Variants in PLCL1 observed in about 807,000 individuals in gnomAD.
The protein encoded by PLCL1 is inactive phospholipase C-like protein 1.
In PLCL1, 41 loss-of-function variants were observed where a neutral mutation model predicts 84.4. The ratio of observed to expected loss-of-function variants is 0.49; its 90% CI spans 0.38 to 0.63. PLCL1 has a LOEUF of 0.63. PLCL1 is among the 30% of genes least tolerant of loss of function. The pLI, the probability that PLCL1 is intolerant of heterozygous loss-of-function variation, is 0.00. For missense variants in PLCL1, 1,206 were observed against 1,367.8 expected (o/e 0.88, Z 1.87); for synonymous variants, 490 against 488.3 (o/e 1.00, Z -0.05).
intron 1 of PLCL1, among the ~76,000 whole-genome samples, chr2:198,073,712 A>G (rs1006691150): frequency 6.6e-6 from 1 of 152,222 alleles, no homozygotes; most frequent in Non-Finnish European, 1.5e-5. Flanking sequence ...TTTGTTGCAA[A>G]AGAAAGATTC....
At chr2:198,093,278 T>G (rs1440261354) in intron 3 of PLCL1, among the ~76,000 whole-genome samples, 2 of 152,192 alleles carry the variant, frequency 1.3e-5, no homozygotes, top group Non-Finnish European at 2.9e-5. Context: ...TCAACCCTAA[T>G]GTCAACTATG....
At chr2:198,128,474 C>T (rs1694044108) in intron 5 of PLCL1, among the ~76,000 whole-genome samples, 1 of 151,982 alleles carries the variant, frequency 6.6e-6, no homozygotes, top group Non-Finnish European at 1.5e-5. Flanking sequence ...TTGGCTGGGT[C>T]GGAGATGAAA....
intron 1 of PLCL1, among the ~76,000 whole-genome samples, chr2:197,941,632 T>C (rs563339382): frequency 4.6e-5 from 7 of 152,120 alleles, no homozygotes; most frequent in African/African-American, 7.2e-5. Context: ...GAATGAGAAA[T>C]GAGGTTTTGT....
chr2:198,030,618 GC>G (rs1691387600), intron 1 of PLCL1, among the ~76,000 whole-genome samples: 1 of 152,140 alleles, frequency 6.6e-6, no homozygotes, highest in Non-Finnish European at 1.5e-5. Context: ...CTCACTATGT[GC>G]CTGAAGTGGT....
rs148466408 is a variant in PLCL1 at position 198,017,305 on chromosome 2, C to T, written c.241-66453C>T. ...CTACACAGTCGAGAATTATCTTACACGATTCAGCCTTAGAACTGGGGGCAT... is the reference window on the plus strand; with the variant it reads ...CTACACAGTCGAGAATTATCTTACATGATTCAGCCTTAGAACTGGGGGCAT... On this transcript the variant is annotated intron_variant, in intron 1 of 5. Coordinates refer to ENST00000428675, the MANE Select transcript of PLCL1 (RefSeq NM_006226.4). 3.9e-5 allele frequency among the ~76,000 whole-genome samples: 6 copies of T among 152,308 alleles called. 1 individual carries two copies. The highest frequency in any genetic ancestry group is 5.9e-5 in the Non-Finnish European group (4 of 68,034).
intron 1 of PLCL1, among the ~76,000 whole-genome samples, chr2:198,019,067 C>G (rs1016450739): frequency 6.6e-6 from 1 of 152,224 alleles, no homozygotes; most frequent in Non-Finnish European, 1.5e-5. Context: ...TCTGCAGCCT[C>G]TGCTGGTGAT....
In PLCL1 at chr2:197,945,650, G is replaced by T. The variant is rs558074950; in HGVS notation, c.241-138108G>T. On this transcript the variant is annotated intron_variant, in intron 1 of 5. Transcript: ENST00000428675. Reference sequence around the variant, plus strand: ...GAACTTGAGCAAGTTTCTTCAACTCGTGGTGCCTCAGTAGTCTCATCTTTA... The same window carrying T: ...GAACTTGAGCAAGTTTCTTCAACTCTTGGTGCCTCAGTAGTCTCATCTTTA... Among the ~76,000 whole-genome samples, 4 of 152,244 alleles carry T rather than the reference G, an allele frequency of 2.6e-5. No homozygotes were observed. In the East Asian group the frequency reaches 7.7e-4, roughly 29 times the overall value.
At chr2:197,890,272 T>C (rs964729521) in intron 1 of PLCL1, among the ~76,000 whole-genome samples, 1 of 152,212 alleles carries the variant, frequency 6.6e-6, no homozygotes, top group African/African-American at 2.4e-5. Flanking sequence ...TGAGATAAGA[T>C]ATTTAAGGCT....
intron 1 of PLCL1, among the ~76,000 whole-genome samples, chr2:197,972,505 T>C (rs1689890974): frequency 6.6e-6 from 1 of 152,206 alleles, no homozygotes; most frequent in South Asian, 2.1e-4. Context: ...CTCAAACTCC[T>C]GAGTGTGGGT....
intron 1 of PLCL1, among the ~76,000 whole-genome samples, chr2:198,037,692 G>A (rs896233847): frequency 9.4e-5 from 14 of 149,114 alleles, no homozygotes; most frequent in Middle Eastern, 3.2e-3. Flanking sequence ...TTTCCAAAAC[G>A]GTTTTATTCT....
At chr2:197,986,240 C>T (rs1285610838) in intron 1 of PLCL1, among the ~76,000 whole-genome samples, 1 of 152,158 alleles carries the variant, frequency 6.6e-6, no homozygotes, top group African/African-American at 2.4e-5. Flanking sequence ...ATGCATTTTA[C>T]CTGGTTATTA....
intron 1 of PLCL1, among the ~76,000 whole-genome samples, chr2:198,017,780 A>G (rs1054569974): frequency 1.3e-5 from 2 of 152,266 alleles, no homozygotes; most frequent in Non-Finnish European, 2.9e-5. Context: ...AATATTTTTC[A>G]GCAAGTTTAC....
intron 3 of PLCL1, among the ~76,000 whole-genome samples, chr2:198,089,389 A>G (rs1692964570): frequency 6.6e-6 from 1 of 152,232 alleles, no homozygotes; most frequent in South Asian, 2.1e-4. Flanking sequence ...TTATATACCT[A>G]TGGGAAGTAA....
intron 1 of PLCL1, among the ~76,000 whole-genome samples, chr2:197,983,888 G>T (rs1574983477): frequency 6.6e-6 from 1 of 152,178 alleles, no homozygotes; most frequent in Non-Finnish European, 1.5e-5. Context: ...ATAAAGAGTA[G>T]TATTTCCATA....
At position 197,901,589 on chromosome 2, in the gene PLCL1, G is replaced by A. The variant is rs543721366; in HGVS notation, c.240+96250G>A. 5.9e-5 allele frequency among the ~76,000 whole-genome samples: 9 copies of A among 152,320 alleles called. No individual in the cohort carries two copies. The East Asian group carries it at 7.7e-4, about 13-fold the overall frequency. ...CAGAAGAGACAGAAGGGGAGCCAGC[G>A]TGGAAAGTGTACCTTAAGAAGGAAG... On this transcript the variant is annotated intron_variant, in intron 1 of 5. Transcript: ENST00000428675.
intron 1 of PLCL1, among the ~76,000 whole-genome samples, chr2:197,988,484 A>G (rs564646248): frequency 1.3e-5 from 2 of 152,266 alleles, no homozygotes; most frequent in Admixed American, 6.5e-5. Flanking sequence ...TTGATTTTCC[A>G]TTCCTGAGTT....
chr2:198,109,599 T>A (rs898147738), intron 5 of PLCL1, among the ~76,000 whole-genome samples: 2 of 151,908 alleles, frequency 1.3e-5, no homozygotes, highest in African/African-American at 4.8e-5. Context: ...TCTGAAGATC[T>A]CTTGGGAGCA....
intron 1 of PLCL1, among the ~76,000 whole-genome samples, chr2:198,038,864 A>C (rs1691600973): frequency 6.6e-6 from 1 of 151,966 alleles, no homozygotes. Context: ...AAAAAAAGAA[A>C]AAAAGAGTTC....
At chr2:197,987,796 T>A (rs147159099) in intron 1 of PLCL1, among the ~76,000 whole-genome samples, 16 of 152,250 alleles carry the variant, frequency 1.1e-4, no homozygotes, top group Non-Finnish European at 2.2e-4. Context: ...TTTATATTTA[T>A]GCCATATTAG....
Sources: allele counts gnomAD v4.1 joint callset (sites outside exome capture counted in the v4.1 genomes callset), GRCh38; gene constraint gnomAD v4.1.1; transcripts MANE v1.5; gene names NCBI Gene and HGNC (gene_info 2026-07-23, HGNC 2026-07-21).